Variants in ANK2 observed in about 807,000 individuals in gnomAD.
ANK2 encodes the protein ankyrin-2.
In ANK2, 83 loss-of-function variants were observed where a neutral mutation model predicts 360.5. The observed-to-expected ratio is 0.23, with a 90% CI of 0.19 to 0.28. ANK2 has a LOEUF of 0.28. Ranked by LOEUF, ANK2 falls within the 10% of genes least tolerant of loss-of-function variation. The probability of loss-of-function intolerance (pLI) is 1.00; values close to 1 mark genes in which losing one functional copy is unlikely to be tolerated. For missense variants in ANK2, 4,201 were observed against 4,795.7 expected (o/e 0.88, Z 3.66); for synonymous variants, 1,740 against 1,759.5 (o/e 0.99, Z 0.28).
At chr4:112,906,657 T>C (rs573252840) in intron 2 of ANK2, among the ~76,000 whole-genome samples, 1 of 152,028 alleles carries the variant, frequency 6.6e-6, no homozygotes, top group African/African-American at 2.4e-5. Context: ...ACAGATAGGT[T>C]TGTAGATTTG....
At chr4:113,297,622 C>G (rs1336497043) in intron 22 of ANK2, among the ~76,000 whole-genome samples, 2 of 152,078 alleles carry the variant, frequency 1.3e-5, no homozygotes, top group East Asian at 3.9e-4. Flanking sequence ...AGTCATTTGA[C>G]ACCTTTTGAG....
chr4:113,274,646 C>A lies in ANK2; in HGVS notation c.1680C>A (p.Thr560=). 1 of 1,613,818 alleles carries A rather than the reference C, an allele frequency of 6.2e-7. No homozygotes were observed. The highest frequency in any genetic ancestry group is 8.5e-7 in the Non-Finnish European group (1 of 1,179,830). The stretch of plus-strand genomic sequence containing the variant: ...CAGGAGCAGCCCACTCCTTAGCTAC[C>A]AAGGTAAGGAGAATGACATCATGAG... ...LEAGAAHSLA[T]KKGFTPLHVA... Residue 560 remains threonine (T), a synonymous_variant, in exon 15 of 46, where the codon ACC becomes ACA. Transcript: ENST00000357077.
intron 14 of ANK2, among the ~76,000 whole-genome samples, chr4:113,272,318 C>T (rs1373447904): frequency 6.6e-6 from 1 of 152,188 alleles, no homozygotes; most frequent in Non-Finnish European, 1.5e-5. Flanking sequence ...GAATTGTTGC[C>T]TCTCATTTTT....
the ANK2 span, among the ~76,000 whole-genome samples, chr4:112,720,447 A>T: frequency 6.6e-6 from 1 of 152,108 alleles, no homozygotes; most frequent in Non-Finnish European, 1.5e-5. Context: ...TCAGGACCAC[A>T]TTGGGTCTTA....
chr4:112,738,465 A>C, the ANK2 span, among the ~76,000 whole-genome samples: 1 of 151,938 alleles, frequency 6.6e-6, no homozygotes, highest in African/African-American at 2.4e-5. Flanking sequence ...GGTGGAGTAT[A>C]CATCAGGTAA....
intron 1 of ANK2, among the ~76,000 whole-genome samples, chr4:112,861,228 T>A (rs1560829036): frequency 6.6e-6 from 1 of 152,152 alleles, no homozygotes; most frequent in Non-Finnish European, 1.5e-5. Context: ...CCTAATTAGC[T>A]GGGCTACACT....
At position 112,986,316 on chromosome 4, in the gene ANK2, A is replaced by G. The variant is rs531324547; in HGVS notation, c.21+81802A>G. ...TAAAGACATATTAGAAAGTTCATCT[A>G]TAAAACTATGAACATAGAATTTGAG... On this transcript the variant is annotated intron_variant, in intron 2 of 30. Coordinates refer to the ANK2 transcript ENST00000503271. Among the ~76,000 whole-genome samples the G allele has an allele frequency of 1.3e-4, 20 of 152,356 alleles. 1 individual carries two copies. The highest frequency in any genetic ancestry group is 3.4e-3 in the Middle Eastern group (1 of 294).
intron 2 of ANK2, among the ~76,000 whole-genome samples, chr4:113,005,137 G>A (rs889445815): frequency 6.6e-6 from 1 of 152,084 alleles, no homozygotes; most frequent in Non-Finnish European, 1.5e-5. Context: ...TTTGCAACTT[G>A]TATCATAGAC....
chr4:113,142,851 G>A (rs1467952828), intron 1 of ANK2, among the ~76,000 whole-genome samples: 1 of 152,046 alleles, frequency 6.6e-6, no homozygotes, highest in Non-Finnish European at 1.5e-5. Context: ...TCTTAACAAA[G>A]CACTGTAATT....
chr4:112,951,261 T>G (rs1581765745), intron 2 of ANK2, among the ~76,000 whole-genome samples: 1 of 152,232 alleles, frequency 6.6e-6, no homozygotes, highest in East Asian at 1.9e-4. Context: ...AATCAGGAAA[T>G]TGATATTTTG....
chr4:112,753,484 C>T, the ANK2 span, among the ~76,000 whole-genome samples: 1 of 152,186 alleles, frequency 6.6e-6, no homozygotes, highest in Admixed American at 6.5e-5. Context: ...CCATCTTGAA[C>T]AGGCGCTGCA....
chr4:113,206,634 AG>A (rs2153435013), intron 4 of ANK2, among the ~76,000 whole-genome samples: 1 of 145,168 alleles, frequency 6.9e-6, no homozygotes, highest in Non-Finnish European at 1.5e-5. Context: ...ACAAATTTGC[AG>A]GGGCATCTGT....
chr4:112,821,704 T>C (rs1222311520), intron 1 of ANK2, among the ~76,000 whole-genome samples: 1 of 151,760 alleles, frequency 6.6e-6, no homozygotes, highest in Non-Finnish European at 1.5e-5. Flanking sequence ...TGTTCAGTTA[T>C]GGCAAATCAC....
chr4:112,829,723 A>G (rs1463688974), intron 1 of ANK2, among the ~76,000 whole-genome samples: 1 of 152,108 alleles, frequency 6.6e-6, no homozygotes, highest in African/African-American at 2.4e-5. Context: ...TGGGAGGCTG[A>G]GGCTGGCAGA....
At chr4:112,883,737 T>C (rs938426284) in intron 1 of ANK2, among the ~76,000 whole-genome samples, 1 of 151,990 alleles carries the variant, frequency 6.6e-6, no homozygotes, top group Non-Finnish European at 1.5e-5. Flanking sequence ...GAACTCCATA[T>C]TGCAGTCATG....
chr4:113,267,733 G>C (rs2056802758), intron 14 of ANK2, among the ~76,000 whole-genome samples: 1 of 152,140 alleles, frequency 6.6e-6, no homozygotes, highest in African/African-American at 2.4e-5. Flanking sequence ...GGCCATATGG[G>C]CTCTTTTTTG....
intron 7 of ANK2, among the ~76,000 whole-genome samples, chr4:113,239,887 T>C (rs2038760003): frequency 6.6e-6 from 1 of 152,170 alleles, no homozygotes; most frequent in Admixed American, 6.5e-5. Flanking sequence ...TTTTGTTTTT[T>C]AATTATTTCA....
At chr4:112,878,667 T>C (rs1388564975) in intron 1 of ANK2, among the ~76,000 whole-genome samples, 1 of 151,840 alleles carries the variant, frequency 6.6e-6, no homozygotes, top group Non-Finnish European at 1.5e-5. Context: ...GGAGTCTCGC[T>C]CTGTCGCCTA....
chr4:113,210,637 T>C (rs1341080545), intron 4 of ANK2, among the ~76,000 whole-genome samples: 2 of 152,332 alleles, frequency 1.3e-5, no homozygotes, highest in East Asian at 3.9e-4. Flanking sequence ...AATTTGCTTA[T>C]CTGTAAAACA....
Sources: gnomAD v4.1 joint callset for allele counts (sites outside exome capture counted in the v4.1 genomes callset) on GRCh38, gnomAD v4.1.1 for gene constraint, MANE v1.5 for transcripts, NCBI Gene and HGNC (gene_info 2026-07-23, HGNC 2026-07-21) for gene names.